The following COG5 variants were observed in gnomAD, a reference collection of about 807,000 sequenced individuals.
The protein encoded by COG5 is component of oligomeric golgi complex 5.
COG5 carries 86 observed loss-of-function variants against 110.4 expected under a neutral mutation model. The observed-to-expected ratio is 0.78, with a 90% CI of 0.65 to 0.93. The LOEUF (loss-of-function observed/expected upper bound fraction) is 0.93. Among genes scored for constraint, COG5 ranks in the 40% least tolerant of loss-of-function variants. COG5 has a pLI of 0.00. For synonymous variants in COG5, 360 were observed against 334.6 expected (o/e 1.08, Z -0.83); for missense variants, 1,077 against 987.0 (o/e 1.09, Z -1.22).
At chr7:107,217,827 A>C (rs899857557) in intron 19 of COG5, among the ~76,000 whole-genome samples, 1 of 152,112 alleles carries the variant, frequency 6.6e-6, no homozygotes, top group African/African-American at 2.4e-5. Context: ...ACTGTCAGCA[A>C]GCACTTTTAT....
intron 12 of COG5, among the ~76,000 whole-genome samples, chr7:107,295,026 T>C (rs866143876): frequency 7.0e-5 from 7 of 99,682 alleles, no homozygotes; most frequent in Admixed American, 1.1e-4. Flanking sequence ...CATATATATA[T>C]ACACACACAT....
intron 6 of COG5, among the ~76,000 whole-genome samples, chr7:107,500,829 T>C (rs1798587602): frequency 6.6e-6 from 1 of 152,076 alleles, no homozygotes; most frequent in Non-Finnish European, 1.5e-5. Flanking sequence ...CAAGCTATTT[T>C]ACTGAATATG....
At chr7:107,476,727 A>G (rs1797019678) in intron 6 of COG5, among the ~76,000 whole-genome samples, 1 of 151,782 alleles carries the variant, frequency 6.6e-6, no homozygotes. Context: ...GTAATTGGTC[A>G]GCTGAACAAC....
chr7:107,409,018 G>C (rs1221190230), intron 7 of COG5, among the ~76,000 whole-genome samples: 1 of 151,924 alleles, frequency 6.6e-6, no homozygotes, highest in Non-Finnish European at 1.5e-5. Flanking sequence ...CAAGCATCCT[G>C]CAGGCAGGGC....
intron 5 of COG5, among the ~76,000 whole-genome samples, chr7:107,544,806 A>C (rs1802299643): frequency 6.6e-6 from 1 of 152,264 alleles, no homozygotes; most frequent in Non-Finnish European, 1.5e-5. Flanking sequence ...GAGGTTTATG[A>C]GCTGCCTAAC....
At chr7:107,260,381 T>A (rs1255831018) in intron 14 of COG5, among the ~76,000 whole-genome samples, 1 of 152,092 alleles carries the variant, frequency 6.6e-6, no homozygotes, top group Admixed American at 6.6e-5. Context: ...CAAATCTACA[T>A]GGGCAAAAGT....
In COG5 at chr7:107,202,611, A is replaced by T. The variant is rs2116068666; in HGVS notation, c.*905T>A. The T allele has an allele frequency of 6.6e-6, 1 of 152,564 alleles. No individual in the cohort carries two copies. The highest frequency in any genetic ancestry group is 1.9e-4 in the East Asian group (1 of 5,184). 9.5% of individuals were successfully genotyped at this position (152,564 alleles called of 1,614,324 possible). A position where few individuals can be genotyped will look rare whatever the true frequency, so the allele number is the denominator to read the frequency against. ...CTCAGAATAACAGGTTCAGGAGATGAGATGGAAAACATAAGGCAAATTCCT... is the reference window on the plus strand; with the variant it reads ...CTCAGAATAACAGGTTCAGGAGATGTGATGGAAAACATAAGGCAAATTCCT... On this transcript the variant is annotated 3_prime_UTR_variant, in exon 22 of 22. Transcript: ENST00000297135.
intron 3 of COG5, 93 bp from the exon 4 acceptor site, chr7:107,548,425 AT>A: frequency 2.4e-6 from 3 of 1,227,254 alleles, no homozygotes; most frequent in Non-Finnish European, 3.6e-6. Context: ...TGCATATATA[AT>A]TTTAACTTTT....
chr7:107,539,539 G>C (rs758703035), intron 5 of COG5, among the ~76,000 whole-genome samples: 11 of 152,178 alleles, frequency 7.2e-5, no homozygotes, highest in Non-Finnish European at 1.6e-4. Context: ...AGAGCTTGGC[G>C]TAGAGAAGTG....
intron 6 of COG5, among the ~76,000 whole-genome samples, chr7:107,510,383 C>A (rs897198918): frequency 3.3e-5 from 5 of 152,184 alleles, no homozygotes; most frequent in Non-Finnish European, 7.3e-5. Flanking sequence ...TACAGGACAA[C>A]CCAGATTCAT....
chr7:107,527,507 AACTTAAATT>A, intron 5 of COG5, 150 bp from the exon 6 acceptor site: 1 of 790,422 alleles, frequency 1.3e-6, no homozygotes, highest in Admixed American at 2.2e-5. Context: ...TGTATCCCGG[AACTTAAATT>A]ACAAAAAAAA....
At position 107,412,562 on chromosome 7, in the gene COG5, T is replaced by C. The variant is rs749709769; in HGVS notation, c.609A>G (p.Arg203=). The C allele has an allele frequency of 5.0e-6, 8 of 1,611,764 alleles. No individual in the cohort carries two copies. Among genetic ancestry groups the C allele is most frequent in the Non-Finnish European group, 6.8e-6 (8 of 1,178,406 alleles). The part of the protein sequence containing the change: ...VIENDLLFIA[R]ARLEVENQAK... ...CTTGATTTTCCACTTCAAGTCGGGC[T>C]CTTGCAATAAAAAGTAGATCATTTT... Residue 203 remains arginine (R), a synonymous_variant, in exon 7 of 22, where the codon AGA becomes AGG. Coordinates refer to ENST00000297135, the MANE Select transcript of COG5 (RefSeq NM_006348.5).
chr7:107,414,812 C>T (rs1374068690), intron 6 of COG5, among the ~76,000 whole-genome samples: 2 of 143,160 alleles, frequency 1.4e-5, no homozygotes, highest in Non-Finnish European at 3.0e-5. Context: ...CTGCAACCTC[C>T]GCCCGCTGGG....
chr7:107,260,569 GT>G (rs1370413838), intron 14 of COG5, among the ~76,000 whole-genome samples: 1 of 152,058 alleles, frequency 6.6e-6, no homozygotes, highest in Non-Finnish European at 1.5e-5. Flanking sequence ...TAATAAAACT[GT>G]TTTTTAAGAA....
chr7:107,505,293 G>T lies in COG5; in HGVS notation c.538+21944C>A, dbSNP rs554206914. 1.3e-3 allele frequency among the ~76,000 whole-genome samples: 191 copies of T among 152,344 alleles called. 7 individuals are homozygous for T. In the South Asian group the frequency reaches 0.038, roughly 30 times the overall value. ...GTGGGGAAAGGTCCCAGCCTTGACAGAGGTGGCCGAGGAAGCTCTCAGTGA... is the reference window on the plus strand; with the variant it reads ...GTGGGGAAAGGTCCCAGCCTTGACATAGGTGGCCGAGGAAGCTCTCAGTGA... On this transcript the variant is annotated intron_variant, in intron 6 of 21. Transcript: ENST00000297135.
chr7:107,213,937 T>C (rs1799341613), intron 19 of COG5, among the ~76,000 whole-genome samples: 1 of 152,144 alleles, frequency 6.6e-6, no homozygotes, highest in Non-Finnish European at 1.5e-5. Context: ...CGGTCATCTA[T>C]GGAATGACCA....
chr7:107,506,940 A>C (rs1029677285), intron 6 of COG5, among the ~76,000 whole-genome samples: 2 of 152,222 alleles, frequency 1.3e-5, no homozygotes, highest in Admixed American at 6.5e-5. Context: ...CATGAGATAC[A>C]CTGTGAGGCA....
chr7:107,409,383 C>G (rs1490321927), intron 7 of COG5, among the ~76,000 whole-genome samples: 1 of 150,104 alleles, frequency 6.7e-6, no homozygotes, highest in Non-Finnish European at 1.5e-5. Flanking sequence ...CAGCAGTCAC[C>G]CAGTAGATTA....
chr7:107,223,482 G>T (rs558082336), intron 19 of COG5, among the ~76,000 whole-genome samples: 2 of 152,304 alleles, frequency 1.3e-5, no homozygotes, highest in African/African-American at 2.4e-5. Flanking sequence ...AGGAGGCAGG[G>T]ATTTGGGCTG....
Sources: gnomAD v4.1 joint callset for allele counts (sites outside exome capture counted in the v4.1 genomes callset) on GRCh38, gnomAD v4.1.1 for gene constraint, MANE v1.5 for transcripts, NCBI Gene and HGNC (gene_info 2026-07-23, HGNC 2026-07-21) for gene names.